The following CCDC171 variants were observed in gnomAD, a reference collection of about 807,000 sequenced individuals.
CCDC171 encodes coiled-coil domain-containing protein 171.
A neutral mutation model predicts 168.2 loss-of-function variants in CCDC171; 177 were observed. The observed-to-expected ratio is 1.05, with a 90% CI of 0.93 to 1.19. The LOEUF (loss-of-function observed/expected upper bound fraction) is 1.19, where lower values mean the gene tolerates loss of function less well. Among genes scored for constraint, CCDC171 ranks in the 50% most tolerant of loss-of-function variants. The pLI is 0.00. For synonymous variants in CCDC171, 687 were observed against 540.8 expected (o/e 1.27, Z -3.75); for missense variants, 1,991 against 1,539.0 (o/e 1.29, Z -4.91).
At chr9:15,623,103 T>C (rs2044638102) in intron 6 of CCDC171, among the ~76,000 whole-genome samples, 164 bp from the exon 7 acceptor site, 1 of 152,186 alleles carries the variant, frequency 6.6e-6, no homozygotes, top group Admixed American at 6.5e-5. Flanking sequence ...ACATGGACAT[T>C]CTGAAACATT....
intron 25 of CCDC171, among the ~76,000 whole-genome samples, chr9:15,931,452 CTTTCTTTTTTTT>C (rs1173896279): frequency 2.6e-5 from 2 of 75,952 alleles, no homozygotes; most frequent in African/African-American, 8.9e-5. Flanking sequence ...TTCTTTCTTT[CTTTCTTTTTTTT>C]TTTTTTTTTT....
At chr9:15,896,574 T>C (rs1363851701) in intron 24 of CCDC171, among the ~76,000 whole-genome samples, 1 of 152,076 alleles carries the variant, frequency 6.6e-6, no homozygotes, top group Admixed American at 6.6e-5. Context: ...ATCAAGTCAG[T>C]TTACAATTTT....
At chr9:15,855,986 C>T (rs1474863521) in intron 23 of CCDC171, among the ~76,000 whole-genome samples, 1 of 151,874 alleles carries the variant, frequency 6.6e-6, no homozygotes, top group Admixed American at 6.6e-5. Context: ...TTTTATATTT[C>T]CCTACGTAGT....
At chr9:15,956,447 G>A (rs932019185) in intron 25 of CCDC171, among the ~76,000 whole-genome samples, 11 of 152,242 alleles carry the variant, frequency 7.2e-5, no homozygotes, top group Non-Finnish European at 5.9e-5. Flanking sequence ...TATCTTTAAG[G>A]TTTTGTGTGT....
chr9:15,823,295 G>C (rs1273631322), intron 21 of CCDC171, among the ~76,000 whole-genome samples: 1 of 151,870 alleles, frequency 6.6e-6, no homozygotes, highest in Non-Finnish European at 1.5e-5. Flanking sequence ...TTCACGTTGT[G>C]CACTTGTACC....
At chr9:15,969,951 C>G (rs1397753049) in intron 25 of CCDC171, among the ~76,000 whole-genome samples, 3 of 152,196 alleles carry the variant, frequency 2.0e-5, no homozygotes, top group Non-Finnish European at 4.4e-5. Flanking sequence ...GTTCTGCAAG[C>G]AAAACCTCAT....
intron 25 of CCDC171, among the ~76,000 whole-genome samples, chr9:15,932,660 G>A (rs1826665664): frequency 6.6e-6 from 1 of 151,870 alleles, no homozygotes; most frequent in Admixed American, 6.6e-5. Flanking sequence ...AATAGAAGTG[G>A]CGAATGTGGA....
chr9:16,080,253 A>G, the CCDC171 span, among the ~76,000 whole-genome samples: 9 of 152,242 alleles, frequency 5.9e-5, no homozygotes, highest in South Asian at 2.1e-4. Context: ...GTCTGATTCA[A>G]TTGGGAAATG....
intron 1 of CCDC171, among the ~76,000 whole-genome samples, chr9:15,554,819 A>G (rs1206607126): frequency 1.3e-5 from 2 of 152,180 alleles, no homozygotes; most frequent in East Asian, 3.8e-4. Context: ...ATTTTTACAC[A>G]AATTATTCAA....
intron 11 of CCDC171, among the ~76,000 whole-genome samples, chr9:15,699,485 G>A (rs1416561691): frequency 2.6e-5 from 4 of 152,090 alleles, no homozygotes; most frequent in African/African-American, 9.7e-5. Flanking sequence ...CCCCACCCAC[G>A]TCCTGCTGAT....
At chr9:15,802,343 T>C (rs572302082) in intron 21 of CCDC171, among the ~76,000 whole-genome samples, 34 of 152,056 alleles carry the variant, frequency 2.2e-4, no homozygotes, top group Non-Finnish European at 4.3e-4. Flanking sequence ...GCTGTACAGA[T>C]CATTCTATCA....
chr9:16,100,647 G>T, the CCDC171 span, among the ~76,000 whole-genome samples: 1 of 152,338 alleles, frequency 6.6e-6, no homozygotes, highest in East Asian at 1.9e-4. Flanking sequence ...ATAGGGCCTG[G>T]CCTGGTAAAA....
At chr9:15,885,808 A>C (rs1405915727) in intron 24 of CCDC171, 1 of 152,204 alleles carries the variant, frequency 6.6e-6, no homozygotes, top group Non-Finnish European at 1.5e-5. Flanking sequence ...TATGCAACTT[A>C]AGGATTAAGG....
chr9:16,027,966 G>C (rs756194997), intron 6 of CCDC171, among the ~76,000 whole-genome samples: 1 of 152,108 alleles, frequency 6.6e-6, no homozygotes, highest in Non-Finnish European at 1.5e-5. Flanking sequence ...TGTATCACTA[G>C]GTGTAAGGGG....
intron 25 of CCDC171, among the ~76,000 whole-genome samples, chr9:15,929,811 G>T (rs1376805650): frequency 6.6e-6 from 1 of 151,692 alleles, no homozygotes; most frequent in African/African-American, 2.4e-5. Flanking sequence ...AACTTTTAAA[G>T]ATTTCTCATA....
chr9:15,711,585 G>A (rs2052668861), intron 11 of CCDC171, among the ~76,000 whole-genome samples: 1 of 152,122 alleles, frequency 6.6e-6, no homozygotes, highest in Admixed American at 6.5e-5. Context: ...TATAAGATAA[G>A]AACATGTAAA....
chr9:15,942,726 C>G (rs575747768), intron 25 of CCDC171, among the ~76,000 whole-genome samples: 2 of 151,810 alleles, frequency 1.3e-5, no homozygotes, highest in Non-Finnish European at 2.9e-5. Context: ...ATCATAATTT[C>G]TGCAACAGAT....
intron 24 of CCDC171, among the ~76,000 whole-genome samples, chr9:15,909,645 G>A (rs372280762): frequency 1.6e-4 from 24 of 152,198 alleles, no homozygotes; most frequent in African/African-American, 2.6e-4. Flanking sequence ...GTAATAGGCC[G>A]TCTGTATCTC....
At chr9:15,808,897 C>T (rs2059197781) in intron 21 of CCDC171, among the ~76,000 whole-genome samples, 1 of 152,154 alleles carries the variant, frequency 6.6e-6, no homozygotes, top group Non-Finnish European at 1.5e-5. Flanking sequence ...AGTCTAACAT[C>T]AAGGCACTAG....
Sources: allele counts gnomAD v4.1 joint callset (sites outside exome capture counted in the v4.1 genomes callset), GRCh38; gene constraint gnomAD v4.1.1; transcripts MANE v1.5; gene names NCBI Gene and HGNC (gene_info 2026-07-23, HGNC 2026-07-21).